PDZRN3: variants seen among roughly 807,000 people sequenced by gnomAD.
PDZRN3 encodes E3 ubiquitin-protein ligase PDZRN3.
Under a neutral mutation model 85.7 loss-of-function variants are expected in PDZRN3, and 38 were observed. That is an observed-to-expected ratio of 0.44 (90% CI 0.34 to 0.58). The LOEUF is 0.58. Among genes scored for constraint, PDZRN3 ranks in the 20% least tolerant of loss-of-function variants. The probability of loss-of-function intolerance (pLI) is 0.01; values close to 1 mark genes in which losing one functional copy is unlikely to be tolerated. For missense variants in PDZRN3, 1,629 were observed against 1,506.4 expected (o/e 1.08, Z -1.35); for synonymous variants, 759 against 638.0 (o/e 1.19, Z -2.86).
chr3:73,624,196 C>A lies in PDZRN3; in HGVS notation c.630G>T (p.Gln210His), dbSNP rs764966971. 3 of 1,497,582 alleles carry A rather than the reference C, an allele frequency of 2.0e-6. No homozygotes were observed. Among genetic ancestry groups the A allele is most frequent in the Admixed American group, 4.4e-5 (2 of 44,974 alleles). The allele number at this position is 1,497,582 out of a possible 1,614,324, so 92.8% of individuals were successfully genotyped here. A position where few individuals can be genotyped will look rare whatever the true frequency, so the allele number is the denominator to read the frequency against. The change falls in exon 1 of 10, where the codon CAG becomes CAT. Residue 210 changes from glutamine (Q) to histidine (H), a missense_variant. Transcript: ENST00000263666. ...AQLAAAQLELQMTALRYQKKF... is the reference protein window; with the variant it reads ...AQLAAAQLELHMTALRYQKKF... ...TCTTCTGGTAGCGCAGCGCGGTCAT[C>A]TGCAGCTCAAGCTGCGCCGCGGCCA... is the stretch of plus-strand genomic sequence containing the variant.
rs1575748913 is a variant in PDZRN3, at chr3:73,580,531, C to T, written c.918+21823G>A. 2.6e-5 allele frequency among the ~76,000 whole-genome samples: 4 copies of T among 152,320 alleles called. 1 individual carries two copies. Among genetic ancestry groups the T allele is most frequent in the Non-Finnish European group, 4.4e-5 (3 of 68,034 alleles). Reference sequence around the variant, plus strand: ...ACTCTTTGCATTATGCCTTACTCACCACTGACTCAAAGTGATCCTGTGATG... The same window carrying T: ...ACTCTTTGCATTATGCCTTACTCACTACTGACTCAAAGTGATCCTGTGATG... On this transcript the variant is annotated intron_variant, in intron 3 of 9. Transcript: ENST00000263666.
intron 3 of PDZRN3, among the ~76,000 whole-genome samples, chr3:73,450,406 A>C (rs1702835302): frequency 6.6e-6 from 1 of 152,214 alleles, no homozygotes; most frequent in Admixed American, 6.5e-5. Context: ...TAATCAATAC[A>C]CACACAAAAT....
intron 3 of PDZRN3, among the ~76,000 whole-genome samples, chr3:73,427,688 C>T (rs142334463): frequency 1.2e-4 from 18 of 152,318 alleles, no homozygotes; most frequent in Non-Finnish European, 2.1e-4. Flanking sequence ...TCATTTGTCA[C>T]GGTAAAACCC....
At chr3:73,486,824 A>C (rs1291958799) in intron 3 of PDZRN3, among the ~76,000 whole-genome samples, 1 of 152,224 alleles carries the variant, frequency 6.6e-6, no homozygotes, top group East Asian at 1.9e-4. Context: ...GACATATCAA[A>C]GGTCAGATAT....
At chr3:73,553,896 A>C (rs1214933710) in intron 3 of PDZRN3, among the ~76,000 whole-genome samples, 1 of 152,224 alleles carries the variant, frequency 6.6e-6, no homozygotes, top group Non-Finnish European at 1.5e-5. Context: ...ATGACCAGGA[A>C]GTTCATGCTG....
chr3:73,405,093 C>A (rs961047527), intron 3 of PDZRN3, among the ~76,000 whole-genome samples: 3 of 152,218 alleles, frequency 2.0e-5, no homozygotes, highest in African/African-American at 7.2e-5. Context: ...TACCTCTCAA[C>A]AGTTCTCTCA....
At chr3:73,428,643 A>G (rs1232514067) in intron 3 of PDZRN3, among the ~76,000 whole-genome samples, 1 of 152,224 alleles carries the variant, frequency 6.6e-6, no homozygotes, top group African/African-American at 2.4e-5. Flanking sequence ...AAACTCCTTT[A>G]TGGTCCTCTA....
Position 73,536,050 on chromosome 3 carries a change from A to C in PDZRN3, c.918+66304T>G, listed in dbSNP as rs181096079. Among the ~76,000 whole-genome samples, 14 of 152,346 alleles carry C rather than the reference A, an allele frequency of 9.2e-5. No homozygotes were observed. The East Asian group carries it at 1.2e-3, about 13-fold the overall frequency. Reference sequence around the variant, plus strand: ...CAATAAATGTGATTGAGCTACACCAACAACAACAATACCAAGGAATGTAAC... The same window carrying C: ...CAATAAATGTGATTGAGCTACACCACCAACAACAATACCAAGGAATGTAAC... On this transcript the variant is annotated intron_variant, in intron 3 of 9. Transcript: ENST00000263666.
chr3:73,531,698 T>C (rs758649136), intron 3 of PDZRN3, among the ~76,000 whole-genome samples: 28 of 152,202 alleles, frequency 1.8e-4, no homozygotes, highest in Non-Finnish European at 3.8e-4. Flanking sequence ...AAGGCCTACA[T>C]GTAGCCTCCC....
chr3:73,444,005 G>A (rs965793888), intron 3 of PDZRN3, among the ~76,000 whole-genome samples: 14 of 152,204 alleles, frequency 9.2e-5, no homozygotes, highest in East Asian at 1.9e-4. Context: ...GAACGAACGC[G>A]CAATTGGTAC....
chr3:73,440,133 T>C (rs1227873865), intron 3 of PDZRN3, among the ~76,000 whole-genome samples: 8 of 152,184 alleles, frequency 5.3e-5, no homozygotes, highest in Non-Finnish European at 1.2e-4. Flanking sequence ...TGCAGAGATC[T>C]TGAGGAACAT....
At chr3:73,562,484 T>C (rs1335692737) in intron 3 of PDZRN3, among the ~76,000 whole-genome samples, 1 of 152,204 alleles carries the variant, frequency 6.6e-6, no homozygotes, top group Non-Finnish European at 1.5e-5. Flanking sequence ...CTCCATTCCC[T>C]GTAAACTACA....
At chr3:73,608,817 A>G in intron 1 of PDZRN3, 133 bp from the exon 2 acceptor site, 1 of 628,332 alleles carries the variant, frequency 1.6e-6, no homozygotes. Context: ...TGGGAAGTTT[A>G]ACCAAGGAAA....
intron 3 of PDZRN3, among the ~76,000 whole-genome samples, chr3:73,490,767 A>G (rs1226193979): frequency 2.0e-5 from 3 of 152,188 alleles, no homozygotes; most frequent in African/African-American, 4.8e-5. Flanking sequence ...GGCAGACCCC[A>G]TGCCTGCCTC....
At chr3:73,620,954 T>C (rs1019551321) in intron 1 of PDZRN3, among the ~76,000 whole-genome samples, 9 of 152,232 alleles carry the variant, frequency 5.9e-5, no homozygotes, top group African/African-American at 1.9e-4. Flanking sequence ...AGTGAAACCA[T>C]AACTGTGTGA....
chr3:73,458,729 C>G (rs1255650148), intron 3 of PDZRN3, among the ~76,000 whole-genome samples: 1 of 151,700 alleles, frequency 6.6e-6, no homozygotes, highest in Non-Finnish European at 1.5e-5. Context: ...CGGTGGCTCA[C>G]ACCTGTAATC....
chr3:73,466,081 G>A (rs954384974), intron 3 of PDZRN3, among the ~76,000 whole-genome samples: 4 of 152,120 alleles, frequency 2.6e-5, no homozygotes, highest in African/African-American at 9.7e-5. Flanking sequence ...GCAACTGGGG[G>A]CTCTCTCCTT....
chr3:73,529,797 G>A (rs908723332), intron 3 of PDZRN3, among the ~76,000 whole-genome samples: 1 of 152,196 alleles, frequency 6.6e-6, no homozygotes, highest in African/African-American at 2.4e-5. Context: ...CAGCCAGGCT[G>A]GGTTGAGTCT....
At chr3:73,583,571 C>T (rs1702231360) in intron 3 of PDZRN3, among the ~76,000 whole-genome samples, 1 of 152,146 alleles carries the variant, frequency 6.6e-6, no homozygotes, top group Non-Finnish European at 1.5e-5. Context: ...TCACACTCTG[C>T]CAAGGAAACA....
Sources: allele counts gnomAD v4.1 joint callset (sites outside exome capture counted in the v4.1 genomes callset), GRCh38; gene constraint gnomAD v4.1.1; transcripts MANE v1.5; gene names NCBI Gene and HGNC (gene_info 2026-07-23, HGNC 2026-07-21).